Variants in DLGAP2 observed in about 807,000 individuals in gnomAD.
DLGAP2 encodes the protein disks large-associated protein 2.
A neutral mutation model predicts 100.3 loss-of-function variants in DLGAP2; 26 were observed. The observed-to-expected ratio is 0.26, with a 90% confidence interval of 0.19 to 0.36. The LOEUF (loss-of-function observed/expected upper bound fraction) is 0.36, where lower values mean the gene tolerates loss of function less well. Ranked by LOEUF, DLGAP2 falls within the 10% of genes least tolerant of loss-of-function variation. DLGAP2 has a pLI of 1.00. For missense variants in DLGAP2, 1,858 were observed against 1,453.2 expected, an observed-to-expected ratio of 1.28 and a Z score of -4.53; for synonymous variants, 886 against 630.1, an observed-to-expected ratio of 1.41 and a Z score of -6.08.
intron 2 of DLGAP2, among the ~76,000 whole-genome samples, chr8:1,125,361 AT>A (rs1308532792): frequency 5.3e-5 from 8 of 152,206 alleles, no homozygotes; most frequent in African/African-American, 9.6e-5. Flanking sequence ...TCTTGATCAA[AT>A]TTTTTTTATG....
chr8:1,606,238 A>G (rs1178876973), intron 6 of DLGAP2, among the ~76,000 whole-genome samples: 1 of 152,130 alleles, frequency 6.6e-6, no homozygotes, highest in Non-Finnish European at 1.5e-5. Context: ...TGCTCTTCGT[A>G]TCTTATTTTC....
chr8:1,326,366 C>G (rs1801020801), intron 3 of DLGAP2, among the ~76,000 whole-genome samples: 1 of 152,234 alleles, frequency 6.6e-6, no homozygotes, highest in Non-Finnish European at 1.5e-5. Flanking sequence ...TATCACTTCA[C>G]AGTGTACCAC....
At chr8:1,548,458 GAAAAAAA>G (rs773138776) in intron 4 of DLGAP2, among the ~76,000 whole-genome samples, 161 bp from the exon 5 acceptor site, 38 of 41,584 alleles carry the variant, frequency 9.1e-4, no homozygotes, top group East Asian at 4.2e-3. Flanking sequence ...GACTGTCTCA[GAAAAAAA>G]AAAAAAAAAA....
intron 3 of DLGAP2, among the ~76,000 whole-genome samples, chr8:1,494,044 G>A (rs75511630): frequency 1.8e-4 from 5 of 28,230 alleles, no homozygotes; most frequent in African/African-American, 4.4e-4. Context: ...TTCTGCATCG[G>A]GGGGGGCAGT....
chr8:1,156,739 C>T (rs1796799571), intron 2 of DLGAP2, among the ~76,000 whole-genome samples: 1 of 152,128 alleles, frequency 6.6e-6, no homozygotes, highest in Non-Finnish European at 1.5e-5. Flanking sequence ...CAACTCAGCA[C>T]CCCCGTTTGG....
At chr8:1,373,997 A>G (rs1330612072) in intron 3 of DLGAP2, among the ~76,000 whole-genome samples, 1 of 151,290 alleles carries the variant, frequency 6.6e-6, no homozygotes, top group Non-Finnish European at 1.5e-5. Flanking sequence ...ACAAAATGCA[A>G]CCTGAGGTTT....
chr8:1,426,967 G>T (rs1395012006), intron 3 of DLGAP2, among the ~76,000 whole-genome samples: 2 of 152,126 alleles, frequency 1.3e-5, no homozygotes, highest in Non-Finnish European at 2.9e-5. Context: ...AAAAAATATT[G>T]TGTCTTATTG....
chr8:769,862 A>G (rs1206744522), intron 1 of DLGAP2, among the ~76,000 whole-genome samples: 1 of 152,194 alleles, frequency 6.6e-6, no homozygotes, highest in African/African-American at 2.4e-5. Flanking sequence ...TACGGAAAAC[A>G]TGAAAGATGG....
At chr8:1,148,397 G>T (rs1403430615) in intron 2 of DLGAP2, among the ~76,000 whole-genome samples, 2 of 151,156 alleles carry the variant, frequency 1.3e-5, no homozygotes, top group Admixed American at 6.6e-5. Context: ...GTCTTTTAAA[G>T]AATAATATTT....
At chr8:1,227,133 A>G (rs915184033) in intron 2 of DLGAP2, among the ~76,000 whole-genome samples, 3 of 100,578 alleles carry the variant, frequency 3.0e-5, no homozygotes, top group Admixed American at 2.2e-4. Flanking sequence ...TCAACAAATG[A>G]ATGGGTAAGG....
At position 1,258,803 on chromosome 8, in the gene DLGAP2, G is replaced by T. The variant is rs1799282359; in HGVS notation, c.74-48G>T. 10 of 1,229,614 alleles carry T rather than the reference G, an allele frequency of 8.1e-6. No homozygotes were observed. In the East Asian group the frequency reaches 2.5e-4, roughly 31 times the overall value. The allele number at this position is 1,229,614 out of a possible 1,614,324, so 76.2% of individuals were successfully genotyped here. A position where few individuals can be genotyped will look rare whatever the true frequency, so the allele number is the denominator to read the frequency against. On this transcript the variant is annotated intron_variant, in intron 2 of 14. Coordinates refer to ENST00000637795, the MANE Select transcript of DLGAP2 (RefSeq NM_001346810.2). ...TGATGTTGAATCTTTTTAACTGCAT[G>T]GTTGAGACCCTGTGGGTGTAACAGC... is the stretch of plus-strand genomic sequence containing the variant.
At chr8:1,416,226 A>G (rs1796878925) in intron 3 of DLGAP2, among the ~76,000 whole-genome samples, 1 of 152,102 alleles carries the variant, frequency 6.6e-6, no homozygotes, top group Non-Finnish European at 1.5e-5. Context: ...TGGCGACCAG[A>G]TGATTCCAGC....
intron 2 of DLGAP2, among the ~76,000 whole-genome samples, chr8:1,004,453 A>C (rs1350003457): frequency 6.6e-6 from 1 of 152,214 alleles, no homozygotes; most frequent in African/African-American, 2.4e-5. Context: ...ATACACGTCC[A>C]GATTTGGCTT....
At chr8:771,334 T>C (rs575391249) in intron 1 of DLGAP2, among the ~76,000 whole-genome samples, 13 of 152,326 alleles carry the variant, frequency 8.5e-5, no homozygotes, top group African/African-American at 2.9e-4. Context: ...CCTCTGTGAA[T>C]GCTTAGATTT....
chr8:1,133,760 A>T (rs1042612761), intron 2 of DLGAP2, among the ~76,000 whole-genome samples: 2 of 152,194 alleles, frequency 1.3e-5, no homozygotes, highest in African/African-American at 4.8e-5. Flanking sequence ...TGATTTTTGG[A>T]TTTCAGATAA....
At chr8:1,409,081 G>A (rs184327996) in intron 3 of DLGAP2, among the ~76,000 whole-genome samples, 6 of 151,568 alleles carry the variant, frequency 4.0e-5, no homozygotes, top group Non-Finnish European at 5.9e-5. Context: ...TGTAGCAGGC[G>A]CCCGGCTCCC....
intron 14 of DLGAP2, among the ~76,000 whole-genome samples, chr8:1,698,298 C>T (rs111522848): frequency 2.8e-3 from 426 of 152,070 alleles, no homozygotes; most frequent in Admixed American, 4.7e-3. Flanking sequence ...TAGGCAGGTC[C>T]ACTTAAACCA....
chr8:1,446,238 G>C (rs1055885991), intron 3 of DLGAP2, among the ~76,000 whole-genome samples: 1 of 151,892 alleles, frequency 6.6e-6, no homozygotes, highest in African/African-American at 2.4e-5. Flanking sequence ...TAACATGTAA[G>C]TCTTTAATCG....
At chr8:1,636,483 A>G (rs755072423) in intron 8 of DLGAP2, among the ~76,000 whole-genome samples, 1 of 152,236 alleles carries the variant, frequency 6.6e-6, no homozygotes, top group Non-Finnish European at 1.5e-5. Flanking sequence ...TACCTTGAAT[A>G]TAAGAGGTAG....
Sources: gnomAD v4.1 joint callset for allele counts (sites outside exome capture counted in the v4.1 genomes callset) on GRCh38, gnomAD v4.1.1 for gene constraint, MANE v1.5 for transcripts, NCBI Gene and HGNC (gene_info 2026-07-23, HGNC 2026-07-21) for gene names.